Variants in ZNF597 observed in about 807,000 individuals in gnomAD.
The protein encoded by ZNF597 is zinc finger protein 597.
In ZNF597, 5 loss-of-function variants were observed where a neutral mutation model predicts 7.3. The observed-to-expected ratio is 0.68, with a 90% CI of 0.36 to 1.44. ZNF597 has a LOEUF of 1.44. Ranked by LOEUF, ZNF597 falls within the 40% of genes most tolerant of loss-of-function variation. ZNF597 has a pLI of 0.04. For missense variants in ZNF597, 585 were observed against 517.9 expected, an observed-to-expected ratio of 1.13 and a Z score of -1.26; for synonymous variants, 209 against 185.4, an observed-to-expected ratio of 1.13 and a Z score of -1.04.
intron 3 of ZNF597, among the ~76,000 whole-genome samples, chr16:3,440,438 T>C (rs2034353930): frequency 6.6e-6 from 1 of 152,054 alleles, no homozygotes; most frequent in Non-Finnish European, 1.5e-5. Context: ...ATTGAGACCA[T>C]CCTGGCTAAC....
chr16:3,436,898 G>C lies in ZNF597; in HGVS notation c.801C>G (p.Thr267=). ...GTTTATCACAGTTAGTAGATTCGTA[G>C]GTGTTTTCAGCACTGTGGCTTTTCT... ...QHQKSHSAEN[T]YESTNCDKHF... Residue 267 remains threonine, a synonymous_variant, in exon 4 of 4, where the codon ACC becomes ACG. Transcript: ENST00000301744. The C allele has an allele frequency of 1.2e-6, 2 of 1,614,166 alleles. No homozygotes were observed. Among genetic ancestry groups the C allele is most frequent in the Non-Finnish European group, 1.7e-6 (2 of 1,180,030 alleles).
rs1225919540 is a variant in ZNF597 at position 3,440,860 on chromosome 16, C to T, written c.107G>A (p.Arg36Lys). ...TTTTGTACCATCTTTGCTGAGGGACCTCTGGGCAGGGTGCAGAGTCACGCA... is the reference window on the plus strand; with the variant it reads ...TTTTGTACCATCTTTGCTGAGGGACTTCTGGGCAGGGTGCAGAGTCACGCA... Reference protein sequence around the residue: ...EECVTLHPAQRSLSKDGTKES... With the variant: ...EECVTLHPAQKSLSKDGTKES... Residue 36 changes from arginine to lysine, a missense_variant, in exon 3 of 4, where the codon AGG becomes AAG. Transcript: ENST00000301744. The T allele has an allele frequency of 1.2e-6, 2 of 1,614,064 alleles. No homozygotes were observed. The highest frequency in any genetic ancestry group is 2.2e-5 in the East Asian group (1 of 44,874).
At chr16:3,443,238 C>G in intron 1 of ZNF597, 32 bp from the exon 2 acceptor site, 1 of 1,420,782 alleles carries the variant, frequency 7.0e-7, no homozygotes, top group Non-Finnish European at 9.6e-7. Flanking sequence ...CTTAAAGGGA[C>G]CAATTCCGCT....
intron 2 of ZNF597, among the ~76,000 whole-genome samples, chr16:3,441,489 C>T (rs57537175): frequency 0.26 from 39,439 of 151,978 alleles, 5,447 homozygotes; most frequent in African/African-American, 0.36. Flanking sequence ...GAGTTCAAGA[C>T]CAGCCTGACC....
intron 2 of ZNF597, 140 bp downstream of exon 2, chr16:3,442,978 CGAA>C (rs771609091): frequency 5.2e-6 from 5 of 960,982 alleles, no homozygotes; most frequent in Non-Finnish European, 8.2e-6. Context: ...GGTCTTGGAA[CGAA>C]GAACACTTGG....
chr16:3,443,054 A>G, intron 2 of ZNF597, 67 bp downstream of exon 2: 4 of 1,590,494 alleles, frequency 2.5e-6, no homozygotes, highest in Non-Finnish European at 3.5e-6. Context: ...ACTCTCCTCC[A>G]AAGGAGGGGG....
Position 3,432,859 on chromosome 16 carries a change from A to C in ZNF597, c.*3565T>G, listed in dbSNP as rs1325302086. ...TTAAACAGATGGTCAAAGCAAATAC[A>C]CTTTCCTACTAAAATCCCACAGGGA... On this transcript the variant is annotated 3_prime_UTR_variant, in exon 4 of 4. Coordinates refer to ENST00000301744, the MANE Select transcript of ZNF597 (RefSeq NM_152457.3). The C allele has an allele frequency of 1.3e-5, 2 of 152,208 alleles. No individual in the cohort carries two copies. The highest frequency in any genetic ancestry group is 3.8e-4 in the East Asian group (2 of 5,202). The allele number at this position is 152,208 out of a possible 1,614,324, so 9.4% of individuals were successfully genotyped here.
rs1014415133 is a variant in ZNF597 at position 3,435,591 on chromosome 16, G to T, written c.*833C>A. The T allele has an allele frequency of 1.3e-5, 2 of 152,130 alleles. No individual in the cohort carries two copies. Among genetic ancestry groups the T allele is most frequent in the South Asian group, 4.1e-4 (2 of 4,832 alleles). 9.4% of individuals were successfully genotyped at this position (152,130 alleles called of 1,614,324 possible). On this transcript the variant is annotated 3_prime_UTR_variant, in exon 4 of 4. Transcript: ENST00000301744. ...TTTTTTCTCTGTCACAGATTCTGAA[G>T]ATTAAATTACATAATATATCTAAAG...
rs1027614880 is a variant in ZNF597, at chr16:3,434,085, A to G, written c.*2339T>C. The stretch of plus-strand genomic sequence containing the variant: ...ATGGCACAAATTCTCACTTTCTGCT[A>G]TATTTTCTAGGAGCCAAAACAAAAA... On this transcript the variant is annotated 3_prime_UTR_variant, in exon 4 of 4. Coordinates refer to ENST00000301744, the MANE Select transcript of ZNF597 (RefSeq NM_152457.3). The G allele has an allele frequency of 6.6e-6, 1 of 152,254 alleles. No homozygotes were observed. The highest frequency in any genetic ancestry group is 2.4e-5 in the African/African-American group (1 of 41,470). The allele number at this position is 152,254 out of a possible 1,614,324, so 9.4% of individuals were successfully genotyped here.
In ZNF597 at chr16:3,435,171, G is replaced by A. The variant is rs2034287886; in HGVS notation, c.*1253C>T. ...AAACCCAGTTAAGACCTTCAGTATT[G>A]TACTCTGCCAAGTGTGAAATCTCTC... On this transcript the variant is annotated 3_prime_UTR_variant, in exon 4 of 4. Coordinates refer to ENST00000301744, the MANE Select transcript of ZNF597 (RefSeq NM_152457.3). 1 of 152,140 alleles carries A rather than the reference G, an allele frequency of 6.6e-6. No individual in the cohort carries two copies. The highest frequency in any genetic ancestry group is 2.1e-4 in the South Asian group (1 of 4,828). The allele number at this position is 152,140 out of a possible 1,614,324, so 9.4% of individuals were successfully genotyped here.
chr16:3,434,147 C>G lies in ZNF597; in HGVS notation c.*2277G>C, dbSNP rs1398257755. 1.3e-5 allele frequency: 2 copies of G among 152,232 alleles called. No individual in the cohort carries two copies. Among genetic ancestry groups the G allele is most frequent in the East Asian group, 3.9e-4 (2 of 5,194 alleles). 9.4% of individuals were successfully genotyped at this position (152,232 alleles called of 1,614,324 possible). On this transcript the variant is annotated 3_prime_UTR_variant, in exon 4 of 4. Transcript: ENST00000301744. ...ATCTTTTATATCACCCCCATTCTGT[C>G]CAAGTGCCTTCTAAGATATTCCCCT...
chr16:3,440,733 C>A, intron 3 of ZNF597, 74 bp downstream of exon 3: 2 of 1,579,740 alleles, frequency 1.3e-6, no homozygotes, highest in Non-Finnish European at 8.6e-7. Flanking sequence ...ACCATACCAA[C>A]ATCTGGATAA....
At chr16:3,439,306 C>T (rs971003575) in intron 3 of ZNF597, among the ~76,000 whole-genome samples, 1 of 152,148 alleles carries the variant, frequency 6.6e-6, no homozygotes, top group South Asian at 2.1e-4. Flanking sequence ...CTGCTTGAGC[C>T]TGGGAGGTCA....
chr16:3,440,962 A>G lies in ZNF597; in HGVS notation c.34-29T>C, dbSNP rs769211624. ...AAACACAAGAGCCTGTGTCAGCACA[A>G]GAGGGTGGAGGGTCAGCCCCTCACT... On this transcript the variant is annotated intron_variant, in intron 2 of 3. Coordinates refer to ENST00000301744, the MANE Select transcript of ZNF597 (RefSeq NM_152457.3). 13 of 1,607,254 alleles carry G rather than the reference A, an allele frequency of 8.1e-6. No homozygotes were observed. The African/African-American group carries it at 1.6e-4, about 20-fold the overall frequency.
chr16:3,437,131 C>T lies in ZNF597; in HGVS notation c.568G>A (p.Gly190Arg). 2 of 1,614,118 alleles carry T rather than the reference C, an allele frequency of 1.2e-6. No individual in the cohort carries two copies. The highest frequency in any genetic ancestry group is 2.2e-5 in the East Asian group (1 of 44,880). Residue 190 changes from glycine to arginine, a missense_variant, in exon 4 of 4, where the codon GGA (glycine) becomes AGA (arginine). Physicochemically the swap from Gly to Arg is moderately radical, Grantham distance 125. Transcript: ENST00000301744. ...GEKKHKCGDC[G>R]KIFNHRANLR... is the part of the protein sequence containing the mutation. ...TTGGCTCTATGATTGAAGATCTTTC[C>T]ACAGTCACCACATTTATGTTTTTTC...
At chr16:3,442,400 G>A (rs572452028) in intron 2 of ZNF597, among the ~76,000 whole-genome samples, 1 of 152,142 alleles carries the variant, frequency 6.6e-6, no homozygotes, top group Non-Finnish European at 1.5e-5. Flanking sequence ...TTTAGGCCGG[G>A]CGCAGTGGCT....
In ZNF597 at chr16:3,434,573, A is replaced by AAAG; in HGVS notation, c.*1850_*1851insCTT. ...AACAAGAAACAAGACAAGAATGACA[A>AAAG]AGAGAGAGAAACTCTCTCTGGGTTA... On this transcript the variant is annotated 3_prime_UTR_variant, in exon 4 of 4. Transcript: ENST00000301744. 6.6e-6 allele frequency: 1 copy of AAAG among 151,924 alleles called. No individual in the cohort carries two copies. Among genetic ancestry groups the AAAG allele is most frequent in the Admixed American group, 6.6e-5 (1 of 15,240 alleles). 9.4% of individuals were successfully genotyped at this position (151,924 alleles called of 1,614,324 possible). A position where few individuals can be genotyped will look rare whatever the true frequency, so the allele number is the denominator to read the frequency against.
chr16:3,436,522 G>C lies in ZNF597; in HGVS notation c.1177C>G (p.Leu393Val), dbSNP rs763718273. The change falls in exon 4 of 4, where the codon CTA (leucine) becomes GTA (valine). Residue 393 changes from leucine to valine, a missense_variant. Physicochemically the swap from Leu to Val is conservative, Grantham distance 32. Transcript: ENST00000301744. ...ACGGTACATTTAAAAGGTTCCGCTA[G>C]CATGTGGCTCTTCTGGTGGCATGCA... ...ELACHQKSHM[L>V]AEPFKCTVCG... 54 of 1,614,080 alleles carry C rather than the reference G, an allele frequency of 3.3e-5. No individual in the cohort carries two copies. The highest frequency in any genetic ancestry group is 4.4e-5 in the Non-Finnish European group (52 of 1,180,034).
rs898721023 is a variant in ZNF597 at position 3,441,977 on chromosome 16, C to G, written c.34-1044G>C. ...CCTAGGCGTCGCAGCGAGACTGTCT[C>G]AAAAAAAAAAAAAAAAAGAAAAGAA... On this transcript the variant is annotated intron_variant, in intron 2 of 3. Coordinates refer to ENST00000301744, the MANE Select transcript of ZNF597 (RefSeq NM_152457.3). Among the ~76,000 whole-genome samples, 18 of 91,504 alleles carry G rather than the reference C, an allele frequency of 2.0e-4. 1 individual carries two copies. In the Middle Eastern group the frequency reaches 0.02, roughly 100 times the overall value. The allele number at this position is 91,504 out of a possible 152,430, so 60.0% of individuals were successfully genotyped here. A position where few individuals can be genotyped will look rare whatever the true frequency, so the allele number is the denominator to read the frequency against.
Sources: gnomAD v4.1 joint callset for allele counts (sites outside exome capture counted in the v4.1 genomes callset) on GRCh38, gnomAD v4.1.1 for gene constraint, MANE v1.5 for transcripts, NCBI Gene and HGNC (gene_info 2026-07-23, HGNC 2026-07-21) for gene names.